The following CNTNAP5 variants were observed in gnomAD, a reference collection of about 807,000 sequenced individuals.
The protein encoded by CNTNAP5 is contactin associated protein family member 5.
Under a neutral mutation model 150.2 loss-of-function variants are expected in CNTNAP5, and 72 were observed. The ratio of observed to expected loss-of-function variants is 0.48; its 90% confidence interval spans 0.40 to 0.58. CNTNAP5 has a LOEUF of 0.58. Among genes scored for constraint, CNTNAP5 ranks in the 20% least tolerant of loss-of-function variants. CNTNAP5 has a pLI of 0.00. For synonymous variants in CNTNAP5, 672 were observed against 619.8 expected, an observed-to-expected ratio of 1.08 and a Z score of -1.25; for missense variants, 1,636 against 1,626.2, an observed-to-expected ratio of 1.01 and a Z score of -0.10.
At chr2:124,442,490 T>G (rs1030457714) in intron 5 of CNTNAP5, among the ~76,000 whole-genome samples, 43 of 152,186 alleles carry the variant, frequency 2.8e-4, no homozygotes, top group African/African-American at 1.0e-3. Flanking sequence ...ATAGTGGAAT[T>G]TAGACAATTG....
rs139656784 is a variant in CNTNAP5 at position 124,736,089 on chromosome 2, G to T, written c.2078-11140G>T. Among the ~76,000 whole-genome samples the T allele has an allele frequency of 3.0e-3, 452 of 152,214 alleles. 3 individuals carry two copies. The highest frequency in any genetic ancestry group is 0.01 in the African/African-American group (427 of 41,544). On this transcript the variant is annotated intron_variant, in intron 13 of 23. Transcript: ENST00000682447. ...CTACAAAAATACAAAAATTAGCTGG[G>T]CATGATGACGGGTGCCTGTAATCCC...
At chr2:124,673,352 G>T (rs999960511) in intron 13 of CNTNAP5, among the ~76,000 whole-genome samples, 2 of 152,070 alleles carry the variant, frequency 1.3e-5, no homozygotes, top group Admixed American at 6.6e-5. Context: ...TGACTAAAAT[G>T]AGCAATAATG....
chr2:124,760,855 C>A (rs961909993), intron 14 of CNTNAP5, among the ~76,000 whole-genome samples: 1 of 152,000 alleles, frequency 6.6e-6, no homozygotes, highest in Non-Finnish European at 1.5e-5. Flanking sequence ...ATGCATTATT[C>A]CCTTTGATTA....
At chr2:124,735,992 A>T (rs1680374307) in intron 13 of CNTNAP5, among the ~76,000 whole-genome samples, 1 of 152,142 alleles carries the variant, frequency 6.6e-6, no homozygotes, top group African/African-American at 2.4e-5. Context: ...GCACTTTGGG[A>T]GGCTGAGGCG....
chr2:124,102,638 G>A (rs1683089746), intron 1 of CNTNAP5, among the ~76,000 whole-genome samples: 1 of 152,088 alleles, frequency 6.6e-6, no homozygotes, highest in South Asian at 2.1e-4. Flanking sequence ...ATTCAAATAA[G>A]CCCCGTGCTC....
intron 20 of CNTNAP5, among the ~76,000 whole-genome samples, chr2:124,867,444 G>A (rs894858761): frequency 1.3e-5 from 2 of 152,104 alleles, no homozygotes; most frequent in African/African-American, 4.8e-5. Flanking sequence ...GCATCATTGT[G>A]CTTACCTGGC....
intron 19 of CNTNAP5, among the ~76,000 whole-genome samples, chr2:124,811,708 G>GGT (rs1553445034): frequency 2.0e-5 from 3 of 149,610 alleles, no homozygotes; most frequent in African/African-American, 7.5e-5. Flanking sequence ...TTAGGAGGCG[G>GGT]GGGGGGTGGA....
At chr2:124,257,272 T>C (rs1057321695) in intron 3 of CNTNAP5, among the ~76,000 whole-genome samples, 3 of 152,224 alleles carry the variant, frequency 2.0e-5, no homozygotes, top group Non-Finnish European at 2.9e-5. Context: ...TATTCATTAT[T>C]TTGCAACCTC....
intron 3 of CNTNAP5, among the ~76,000 whole-genome samples, chr2:124,376,357 T>G (rs1690649257): frequency 6.6e-6 from 1 of 152,048 alleles, no homozygotes. Flanking sequence ...TAGGAAGCAA[T>G]TACTGGTTCA....
At chr2:124,746,948 G>A (rs910457894) in intron 13 of CNTNAP5, among the ~76,000 whole-genome samples, 3 of 150,668 alleles carry the variant, frequency 2.0e-5, no homozygotes, top group African/African-American at 7.5e-5. Flanking sequence ...ACATATATGG[G>A]CACATATAGA....
chr2:124,483,926 C>G (rs574988222), intron 7 of CNTNAP5, among the ~76,000 whole-genome samples: 2 of 152,346 alleles, frequency 1.3e-5, no homozygotes, highest in East Asian at 1.9e-4. Flanking sequence ...CACCCTTCCC[C>G]TTTTTATCTC....
intron 1 of CNTNAP5, among the ~76,000 whole-genome samples, chr2:124,203,751 G>A (rs185330417): frequency 6.2e-4 from 95 of 152,280 alleles, no homozygotes; most frequent in Middle Eastern, 3.4e-3. Context: ...GCCATGGTTG[G>A]GATGCGGAGC....
At chr2:124,029,800 T>C (rs1052166784) in intron 1 of CNTNAP5, among the ~76,000 whole-genome samples, 3 of 152,094 alleles carry the variant, frequency 2.0e-5, no homozygotes, top group African/African-American at 7.2e-5. Context: ...AAACCTTCAG[T>C]TGGTGATTCA....
chr2:124,240,018 A>C (rs1376820222), intron 2 of CNTNAP5, among the ~76,000 whole-genome samples: 8 of 152,056 alleles, frequency 5.3e-5, no homozygotes, highest in Admixed American at 6.6e-5. Flanking sequence ...TTTCCTGTTG[A>C]AGAATAATTG....
At chr2:124,770,490 T>G (rs1231284475) in intron 16 of CNTNAP5, among the ~76,000 whole-genome samples, 1 of 152,154 alleles carries the variant, frequency 6.6e-6, no homozygotes, top group Non-Finnish European at 1.5e-5. Context: ...AGCAAAATCT[T>G]TAACATTCCT....
At chr2:124,894,120 C>A (rs1011437396) in intron 21 of CNTNAP5, among the ~76,000 whole-genome samples, 1 of 151,926 alleles carries the variant, frequency 6.6e-6, no homozygotes, top group African/African-American at 2.4e-5. Context: ...TTTTGACTCC[C>A]TTTCCTTTAC....
At chr2:124,035,408 A>G (rs373316138) in intron 1 of CNTNAP5, among the ~76,000 whole-genome samples, 1 of 78,694 alleles carries the variant, frequency 1.3e-5, no homozygotes, top group Non-Finnish European at 2.8e-5. Flanking sequence ...TTTCCTTTCT[A>G]TCTTCTTCCT....
intron 12 of CNTNAP5, among the ~76,000 whole-genome samples, chr2:124,626,714 C>T (rs1677730286): frequency 1.3e-5 from 2 of 152,108 alleles, no homozygotes; most frequent in Non-Finnish European, 2.9e-5. Context: ...GGAGAACAGT[C>T]CACTCCCCTG....
rs961542565 is a variant in CNTNAP5, at chr2:124,909,029, T to C, written c.3656-2438T>C. Among the ~76,000 whole-genome samples, 13 of 152,180 alleles carry C rather than the reference T, an allele frequency of 8.5e-5. No individual in the cohort carries two copies. The East Asian group carries it at 2.3e-3, about 27-fold the overall frequency. Reference sequence around the variant, plus strand: ...AATAGTTATAGTAAGCTAAGGATAATTTATTATTAAAGAAAGAAAAAAAGT... The same window carrying C: ...AATAGTTATAGTAAGCTAAGGATAACTTATTATTAAAGAAAGAAAAAAAGT... On this transcript the variant is annotated intron_variant, in intron 22 of 23. Transcript: ENST00000682447.
Sources: gnomAD v4.1 joint callset for allele counts (sites outside exome capture counted in the v4.1 genomes callset) on GRCh38, gnomAD v4.1.1 for gene constraint, MANE v1.5 for transcripts, NCBI Gene and HGNC (gene_info 2026-07-23, HGNC 2026-07-21) for gene names.